The following GAB2 variants were observed in gnomAD, a reference collection of about 807,000 sequenced individuals.
The protein encoded by GAB2 is GRB2-associated-binding protein 2.
A neutral mutation model predicts 65.5 loss-of-function variants in GAB2; 26 were observed. The ratio of observed to expected loss-of-function variants is 0.40; its 90% CI spans 0.29 to 0.55. GAB2 has a LOEUF of 0.55. GAB2 is among the 20% of genes least tolerant of loss of function. The probability of loss-of-function intolerance (pLI) is 0.53; values close to 1 mark genes in which losing one functional copy is unlikely to be tolerated. For synonymous variants in GAB2, 321 were observed against 329.6 expected (o/e 0.97, Z 0.28); for missense variants, 884 against 875.8 (o/e 1.01, Z -0.12).
At chr11:78,284,811 T>C (rs996727658) in intron 1 of GAB2, among the ~76,000 whole-genome samples, 1 of 152,066 alleles carries the variant, frequency 6.6e-6, no homozygotes, top group Non-Finnish European at 1.5e-5. Flanking sequence ...AGGACAAGGA[T>C]TGGTTCTTTT....
intron 3 of GAB2, among the ~76,000 whole-genome samples, chr11:78,248,646 A>T (rs567251167): frequency 5.9e-5 from 9 of 152,334 alleles, no homozygotes; most frequent in Middle Eastern, 3.4e-3. Flanking sequence ...ACTCTCTACT[A>T]CTATTTTATG....
At chr11:78,314,186 C>T (rs555454704) in intron 1 of GAB2, among the ~76,000 whole-genome samples, 1 of 152,134 alleles carries the variant, frequency 6.6e-6, no homozygotes, top group Non-Finnish European at 1.5e-5. Context: ...CAGGAGTGGC[C>T]ATTAATATTT....
chr11:78,351,247 C>T (rs1856273232), intron 1 of GAB2, among the ~76,000 whole-genome samples: 1 of 151,932 alleles, frequency 6.6e-6, no homozygotes, highest in African/African-American at 2.4e-5. Flanking sequence ...ATCATTTACC[C>T]AGTGGCCTTT....
At position 78,215,472 on chromosome 11, in the gene GAB2, A is replaced by C. The variant is rs1864075151; in HGVS notation, c.*3800T>G. The C allele has an allele frequency of 6.5e-6, 1 of 152,696 alleles. No individual in the cohort carries two copies. Among genetic ancestry groups the C allele is most frequent in the African/African-American group, 2.4e-5 (1 of 41,468 alleles). 9.5% of individuals were successfully genotyped at this position (152,696 alleles called of 1,614,324 possible). A position where few individuals can be genotyped will look rare whatever the true frequency, so the allele number is the denominator to read the frequency against. On this transcript the variant is annotated 3_prime_UTR_variant, in exon 10 of 10. Coordinates refer to ENST00000361507, the MANE Select transcript of GAB2 (RefSeq NM_080491.3). ...AATTTAAAAAAAAGAATACAACAGA[A>C]TAAATTAATAACTTAAGTGATTAGG... is the stretch of plus-strand genomic sequence containing the variant.
intron 2 of GAB2, among the ~76,000 whole-genome samples, chr11:78,250,869 A>T (rs186550976): frequency 1.3e-5 from 2 of 152,230 alleles, no homozygotes; most frequent in Admixed American, 1.3e-4. Context: ...CAAATACCCT[A>T]ATGTTCTCAC....
Position 78,250,349 on chromosome 11 carries a change from G to A in GAB2, c.428C>T (p.Ala143Val). The change falls in exon 3 of 10, where the codon GCT (alanine) becomes GTT (valine). Residue 143 changes from alanine to valine, a missense_variant. By Grantham distance (64) the Ala-to-Val change is moderately conservative (BLOSUM62 0). Coordinates refer to ENST00000361507, the MANE Select transcript of GAB2 (RefSeq NM_080491.3). ...GTGCTGGCTAGAGCTGCTGAGCTCA[G>A]CTGGAGAAGAGCGGGGGCCATGACC... ...SAGHGPRSSP[A>V]ELSSSSQHLL... 1 of 1,613,482 alleles carries A rather than the reference G, an allele frequency of 6.2e-7. No individual in the cohort carries two copies. Among genetic ancestry groups the A allele is most frequent in the South Asian group, 1.1e-5 (1 of 91,030 alleles).
At chr11:78,244,935 G>A (rs1865255337) in intron 3 of GAB2, among the ~76,000 whole-genome samples, 1 of 152,178 alleles carries the variant, frequency 6.6e-6, no homozygotes, top group Non-Finnish European at 1.5e-5. Flanking sequence ...CCATTACTGG[G>A]TATATATCTG....
At chr11:78,356,749 C>A (rs929489735) in intron 1 of GAB2, among the ~76,000 whole-genome samples, 1 of 152,146 alleles carries the variant, frequency 6.6e-6, no homozygotes, top group Non-Finnish European at 1.5e-5. Context: ...TGGAAGCAAC[C>A]TGAATATTCA....
intron 1 of GAB2, among the ~76,000 whole-genome samples, chr11:78,340,569 T>A (rs2134690283): frequency 6.6e-6 from 1 of 150,432 alleles, no homozygotes; most frequent in Admixed American, 6.6e-5. Flanking sequence ...AAAGCTTATA[T>A]CTGTCTCATC....
intron 1 of GAB2, among the ~76,000 whole-genome samples, chr11:78,296,372 T>G (rs73496773): frequency 0.032 from 4,897 of 152,330 alleles, 209 homozygotes; most frequent in African/African-American, 0.1. Context: ...AGACACCTTA[T>G]TTAATATTTG....
intron 1 of GAB2, among the ~76,000 whole-genome samples, chr11:78,333,132 C>A (rs1855943420): frequency 6.6e-6 from 1 of 152,212 alleles, no homozygotes; most frequent in Admixed American, 6.5e-5. Context: ...TTACAGTCTT[C>A]ACCCGGAAAT....
intron 1 of GAB2, among the ~76,000 whole-genome samples, chr11:78,287,908 A>G (rs1365321276): frequency 6.6e-6 from 1 of 151,740 alleles, no homozygotes; most frequent in Non-Finnish European, 1.5e-5. Flanking sequence ...TTGGCCTCCC[A>G]AAGTGCTGGG....
chr11:78,407,104 G>C (rs1857054955), intron 1 of GAB2, among the ~76,000 whole-genome samples: 1 of 152,232 alleles, frequency 6.6e-6, no homozygotes, highest in South Asian at 2.1e-4. Context: ...AGAAGCTATG[G>C]AACTACAACA....
At chr11:78,341,721 G>A (rs1856098144) in intron 1 of GAB2, 2 of 977,126 alleles carry the variant, frequency 2.0e-6, no homozygotes, top group African/African-American at 1.7e-5. Context: ...GAACCTGCTA[G>A]GTACTTGCCC....
Position 78,215,595 on chromosome 11 carries a change from AAC to A in GAB2, c.*3675_*3676del, listed in dbSNP as rs1864083826. 1 of 152,388 alleles carries A rather than the reference AAC, an allele frequency of 6.6e-6. No homozygotes were observed. The highest frequency in any genetic ancestry group is 1.5e-5 in the Non-Finnish European group (1 of 68,030). 9.4% of individuals were successfully genotyped at this position (152,388 alleles called of 1,614,324 possible). On this transcript the variant is annotated 3_prime_UTR_variant, in exon 10 of 10. Coordinates refer to ENST00000361507, the MANE Select transcript of GAB2 (RefSeq NM_080491.3). ...ACTAGCCCATTTTCTCTTCCTGACA[AAC>A]AGTGACAATTCTGCGTGAAATAATT...
chr11:78,356,130 G>A (rs1856355155), intron 1 of GAB2, among the ~76,000 whole-genome samples: 2 of 149,646 alleles, frequency 1.3e-5, no homozygotes, highest in African/African-American at 2.5e-5. Flanking sequence ...CCAAGATCAT[G>A]TCACTGCACT....
intron 1 of GAB2, among the ~76,000 whole-genome samples, chr11:78,315,422 G>T (rs930904349): frequency 3.9e-5 from 6 of 152,054 alleles, no homozygotes; most frequent in Admixed American, 1.3e-4. Context: ...AAATACAAAA[G>T]AAATAACAGA....
intron 1 of GAB2, among the ~76,000 whole-genome samples, chr11:78,396,506 A>T (rs1467961940): frequency 6.6e-6 from 1 of 152,272 alleles, no homozygotes; most frequent in African/African-American, 2.4e-5. Flanking sequence ...GAACCAGTAC[A>T]AATATATGTT....
chr11:78,257,758 A>T (rs1018726359), intron 2 of GAB2, among the ~76,000 whole-genome samples: 2 of 152,186 alleles, frequency 1.3e-5, no homozygotes, highest in African/African-American at 4.8e-5. Flanking sequence ...GCTGCCATTT[A>T]CTAAGCACCT....
Sources: gnomAD v4.1 joint callset for allele counts (sites outside exome capture counted in the v4.1 genomes callset) on GRCh38, gnomAD v4.1.1 for gene constraint, MANE v1.5 for transcripts, NCBI Gene and HGNC (gene_info 2026-07-23, HGNC 2026-07-21) for gene names.